The following WDPCP variants were observed in gnomAD, a reference collection of about 807,000 sequenced individuals.
WDPCP encodes the protein WD repeat containing planar cell polarity effector, also known as WD repeat-containing and planar cell polarity effector protein fritz homolog.
In WDPCP, 71 loss-of-function variants were observed where a neutral mutation model predicts 93.1. The observed-to-expected ratio is 0.76, with a 90% CI of 0.63 to 0.93. The LOEUF is 0.93. Ranked by LOEUF, WDPCP falls within the 40% of genes least tolerant of loss-of-function variation. The pLI, the probability that WDPCP is intolerant of heterozygous loss-of-function variation, is 0.00. For synonymous variants in WDPCP, 315 were observed against 315.0 expected (o/e 1.00, Z 0.00); for missense variants, 844 against 887.4 (o/e 0.95, Z 0.62).
intron 2 of WDPCP, among the ~76,000 whole-genome samples, chr2:63,681,238 T>A (rs538638542): frequency 6.6e-6 from 1 of 152,298 alleles, no homozygotes; most frequent in South Asian, 2.1e-4. Flanking sequence ...AACAGGGCTC[T>A]TAGAGTTCCC....
upstream of WDPCP, among the ~76,000 whole-genome samples, chr2:63,830,492 C>T (rs1465359179): frequency 1.3e-5 from 2 of 152,060 alleles, no homozygotes; most frequent in African/African-American, 2.4e-5. Flanking sequence ...AATTTTCTCT[C>T]GGAACTATAA....
chr2:63,442,804 C>G (rs929787640), intron 6 of WDPCP: 1 of 152,114 alleles, frequency 6.6e-6, no homozygotes, highest in African/African-American at 2.4e-5. Flanking sequence ...AATCTCATAT[C>G]CTAACAAAAA....
intron 3 of WDPCP, among the ~76,000 whole-genome samples, chr2:63,611,513 A>C (rs960683810): frequency 6.6e-6 from 1 of 152,192 alleles, no homozygotes; most frequent in African/African-American, 2.4e-5. Context: ...GGAAAAATAT[A>C]TTAGAAAGTA....
At chr2:63,572,701 CAAAAAAAAAAAA>C (rs533331577) in intron 1 of WDPCP, among the ~76,000 whole-genome samples, 2 of 24,780 alleles carry the variant, frequency 8.1e-5, no homozygotes, top group Non-Finnish European at 1.2e-4. Flanking sequence ...GACTCTGTCT[CAAAAAAAAAAAA>C]AAAAAAAAAA....
chr2:63,799,233 T>G (rs1300760705), intron 2 of WDPCP, among the ~76,000 whole-genome samples: 2 of 152,112 alleles, frequency 1.3e-5, no homozygotes, highest in Non-Finnish European at 2.9e-5. Context: ...ATGAAGAAAT[T>G]AGGAAGGATC....
intron 6 of WDPCP, among the ~76,000 whole-genome samples, chr2:63,454,120 A>T (rs911372836): frequency 6.7e-6 from 1 of 150,178 alleles, no homozygotes. Context: ...ATATATATAT[A>T]TTAAAAAAAA....
At chr2:63,731,603 G>A (rs766656023) in intron 2 of WDPCP, among the ~76,000 whole-genome samples, 16 of 152,304 alleles carry the variant, frequency 1.1e-4, no homozygotes, top group Non-Finnish European at 2.2e-4. Context: ...AAAGTGAGAA[G>A]TAGCTAATGG....
chr2:63,173,912 G>C (rs1369566923), intron 15 of WDPCP, among the ~76,000 whole-genome samples: 1 of 152,160 alleles, frequency 6.6e-6, no homozygotes, highest in African/African-American at 2.4e-5. Context: ...ATCCTCAAAA[G>C]CAGGGATGTT....
At chr2:63,405,246 T>C (rs545526618) in intron 9 of WDPCP, among the ~76,000 whole-genome samples, 26 of 152,226 alleles carry the variant, frequency 1.7e-4, no homozygotes, top group Middle Eastern at 3.4e-3. Context: ...TATTTTACTA[T>C]CAGAAAGGAT....
In WDPCP at chr2:63,152,931, C is replaced by T. The variant is rs1370629959; in HGVS notation, c.2173G>A (p.Glu725Lys). Residue 725 changes from glutamate to lysine, a missense_variant, in exon 17 of 18, where the codon GAA becomes AAA. By Grantham distance (56) the Glu-to-Lys change is moderately conservative. Transcript: ENST00000272321. ...TCNAEDGELR[E>K]DGREQEIRDG... ...TGTTTTACCTGTTCTCTGCCGTCTT[C>T]TCTCAGTTCTCCGTCTAAAGTAAAA... The T allele has an allele frequency of 1.2e-6, 2 of 1,612,426 alleles. No individual in the cohort carries two copies. Among genetic ancestry groups the T allele is most frequent in the Middle Eastern group, 1.6e-4 (1 of 6,068 alleles).
At chr2:63,795,927 G>A (rs1670608631) in intron 2 of WDPCP, among the ~76,000 whole-genome samples, 1 of 152,182 alleles carries the variant, frequency 6.6e-6, no homozygotes, top group Non-Finnish European at 1.5e-5. Flanking sequence ...GTGTCCATGT[G>A]CATCAGGAGA....
At chr2:63,831,907 T>C (rs888249559), upstream of WDPCP, among the ~76,000 whole-genome samples, 1 of 152,194 alleles carries the variant, frequency 6.6e-6, no homozygotes, top group Non-Finnish European at 1.5e-5. Context: ...GTGAAAAATG[T>C]GTGGACTGAA....
At chr2:63,178,116 G>A (rs1053857905) in intron 14 of WDPCP, among the ~76,000 whole-genome samples, 35 of 152,138 alleles carry the variant, frequency 2.3e-4, no homozygotes, top group East Asian at 1.2e-3. Context: ...TAAGAATTTC[G>A]TTGGCTGGTA....
intron 14 of WDPCP, among the ~76,000 whole-genome samples, chr2:63,201,689 TAA>T (rs1675925873): frequency 6.6e-6 from 1 of 152,210 alleles, no homozygotes; most frequent in African/African-American, 2.4e-5. Context: ...GGGAGCACTT[TAA>T]GTTTCTTATT....
chr2:63,150,613 G>A (rs564808698), intron 17 of WDPCP, among the ~76,000 whole-genome samples: 2 of 152,130 alleles, frequency 1.3e-5, no homozygotes, highest in Admixed American at 6.5e-5. Flanking sequence ...GTTTATATGA[G>A]GCTAATAGTA....
intron 2 of WDPCP, among the ~76,000 whole-genome samples, chr2:63,666,588 GCAAA>G (rs1399735679): frequency 6.6e-6 from 1 of 152,202 alleles, no homozygotes; most frequent in Non-Finnish European, 1.5e-5. Context: ...CCTTCAGGCT[GCAAA>G]CAGTTTAGTC....
rs1558832770 is a variant in WDPCP, at chr2:63,575,460, TATATATGCA to T, written c.75+12728_75+12736del. ...TACAGTGTATACACTGTATATACAG[TATATATGCA>T]GTATATACAGTGTATATATAGTATA... On this transcript the variant is annotated intron_variant, in intron 1 of 17. Transcript: ENST00000272321. Among the ~76,000 whole-genome samples, 11 of 25,546 alleles carry T rather than the reference TATATATGCA, an allele frequency of 4.3e-4. 2 individuals carry two copies. The highest frequency in any genetic ancestry group is 3.1e-3 in the African/African-American group (11 of 3,504). 16.8% of individuals were successfully genotyped at this position (25,546 alleles called of 152,430 possible). A position where few individuals can be genotyped will look rare whatever the true frequency, so the allele number is the denominator to read the frequency against.
At chr2:63,145,047 C>G (rs1671385349) in intron 17 of WDPCP, among the ~76,000 whole-genome samples, 1 of 152,118 alleles carries the variant, frequency 6.6e-6, no homozygotes, top group Non-Finnish European at 1.5e-5. Context: ...AGCTACCCAG[C>G]TGGTTTATCT....
At chr2:63,484,771 G>C in intron 5 of WDPCP, 108 bp from the exon 6 acceptor site, 1 of 1,516,834 alleles carries the variant, frequency 6.6e-7, no homozygotes, top group Admixed American at 1.8e-5. Context: ...GCCACACAAA[G>C]ATCCAACTGT....
Sources: gnomAD v4.1 joint callset for allele counts (sites outside exome capture counted in the v4.1 genomes callset) on GRCh38, gnomAD v4.1.1 for gene constraint, MANE v1.5 for transcripts, NCBI Gene and HGNC (gene_info 2026-07-23, HGNC 2026-07-21) for gene names.